Variants in PEBP4 observed in about 807,000 individuals in gnomAD.
The protein encoded by PEBP4 is phosphatidylethanolamine binding protein 4, also known as phosphatidylethanolamine-binding protein 4.
PEBP4 carries 22 observed loss-of-function variants against 23.9 expected under a neutral mutation model. That is an observed-to-expected ratio of 0.92 (90% confidence interval 0.66 to 1.31). The LOEUF (loss-of-function observed/expected upper bound fraction) is 1.31. Among genes scored for constraint, PEBP4 ranks in the 40% most tolerant of loss-of-function variants. The pLI is 0.00. For synonymous variants in PEBP4, 112 were observed against 99.3 expected, an observed-to-expected ratio of 1.13 and a Z score of -0.76; for missense variants, 324 against 281.7, an observed-to-expected ratio of 1.15 and a Z score of -1.07.
intron 3 of PEBP4, among the ~76,000 whole-genome samples, chr8:22,840,734 G>A (rs1189918125): frequency 1.3e-5 from 2 of 152,154 alleles, no homozygotes; most frequent in Non-Finnish European, 2.9e-5. Context: ...CATCGCACTG[G>A]CTTTTGGTGT....
intron 4 of PEBP4, among the ~76,000 whole-genome samples, chr8:22,778,158 C>T (rs1215698923): frequency 6.6e-6 from 1 of 152,072 alleles, no homozygotes; most frequent in East Asian, 1.9e-4. Flanking sequence ...GTCTCTACTG[C>T]TTGTCCTGAG....
intron 3 of PEBP4, among the ~76,000 whole-genome samples, chr8:22,838,716 C>T (rs1043255661): frequency 1.3e-5 from 2 of 152,278 alleles, no homozygotes; most frequent in African/African-American, 2.4e-5. Flanking sequence ...TGGCGCTGAG[C>T]TGTGGCTCGG....
chr8:22,921,723 C>T (rs1245373605), intron 2 of PEBP4, among the ~76,000 whole-genome samples: 2 of 152,246 alleles, frequency 1.3e-5, no homozygotes, highest in African/African-American at 2.4e-5. Flanking sequence ...ACTCTTTGCG[C>T]ATTTACAGCA....
At chr8:22,916,176 A>G (rs1198183692) in intron 3 of PEBP4, among the ~76,000 whole-genome samples, 1 of 152,210 alleles carries the variant, frequency 6.6e-6, no homozygotes, top group Non-Finnish European at 1.5e-5. Flanking sequence ...AATGCAATGC[A>G]CATTCCCCAC....
chr8:22,930,283 G>T (rs1267631945), upstream of PEBP4, among the ~76,000 whole-genome samples: 2 of 152,170 alleles, frequency 1.3e-5, no homozygotes, highest in African/African-American at 2.4e-5. Flanking sequence ...TAGCTGAAAT[G>T]TCGTTTCCTA....
intron 4 of PEBP4, among the ~76,000 whole-genome samples, chr8:22,751,126 A>G (rs1161535962): frequency 6.6e-6 from 1 of 152,158 alleles, no homozygotes; most frequent in Non-Finnish European, 1.5e-5. Context: ...TGGGTTGTGA[A>G]ATCTGTCCCA....
intron 3 of PEBP4, among the ~76,000 whole-genome samples, chr8:22,905,227 C>T (rs28589351): frequency 0.013 from 1,920 of 151,968 alleles, 48 homozygotes; most frequent in African/African-American, 0.044. Flanking sequence ...GGAACTTCCC[C>T]CATATTTTTA....
At chr8:22,807,906 A>G (rs779778839) in intron 4 of PEBP4, among the ~76,000 whole-genome samples, 6 of 115,234 alleles carry the variant, frequency 5.2e-5, no homozygotes, top group Non-Finnish European at 1.1e-4. Flanking sequence ...CACCCACCCA[A>G]CCTCTGTCCA....
intron 3 of PEBP4, among the ~76,000 whole-genome samples, chr8:22,848,981 G>A (rs570606951): frequency 2.0e-5 from 3 of 152,302 alleles, no homozygotes; most frequent in Non-Finnish European, 4.4e-5. Flanking sequence ...CAGGAATCTG[G>A]AAAGCAGCAA....
At chr8:22,867,677 T>C (rs1276139469) in intron 3 of PEBP4, among the ~76,000 whole-genome samples, 1 of 152,160 alleles carries the variant, frequency 6.6e-6, no homozygotes, top group Admixed American at 6.5e-5. Flanking sequence ...CAGCATTCAG[T>C]GCACAGAATG....
At chr8:22,798,427 C>G (rs1806309527) in intron 4 of PEBP4, 1 of 153,280 alleles carries the variant, frequency 6.5e-6, no homozygotes, top group Non-Finnish European at 1.5e-5. Context: ...GGCCAGCTAC[C>G]AGACAGCTAG....
rs1201342225 is a variant in PEBP4, at chr8:22,927,702, T to C, written c.13A>G (p.Met5Val). Residue 5 changes from methionine (M) to valine (V), a missense_variant, in exon 2 of 7, where the codon ATG becomes GTG. Transcript: ENST00000256404. ...AACAGTGCTGCTGTGACCAGCCTCATTGTCCAACCCATGGGCACCTGGAAC... is the reference window on the plus strand; with the variant it reads ...AACAGTGCTGCTGTGACCAGCCTCACTGTCCAACCCATGGGCACCTGGAAC... MGWT[M>V]RLVTAALLLG... 3.1e-6 allele frequency: 5 copies of C among 1,613,672 alleles called. No homozygotes were observed. Among genetic ancestry groups the C allele is most frequent in the Admixed American group, 1.7e-5 (1 of 59,954 alleles).
At chr8:22,754,585 A>G (rs1253688446) in intron 4 of PEBP4, among the ~76,000 whole-genome samples, 1 of 152,206 alleles carries the variant, frequency 6.6e-6, no homozygotes, top group Non-Finnish European at 1.5e-5. Flanking sequence ...CAGGGAGCAA[A>G]GCAGAGAGGA....
Position 22,927,872 on chromosome 8 carries a change from C to G in PEBP4, c.-56G>C. Reference sequence around the variant, plus strand: ...ACAGGCAGCTTCCAGGGCTCCGCAGCTAATCCAGTCCACCACCCGGACACA... The same window carrying G: ...ACAGGCAGCTTCCAGGGCTCCGCAGGTAATCCAGTCCACCACCCGGACACA... On this transcript the variant is annotated 5_prime_UTR_variant, in exon 1 of 7. Transcript: ENST00000256404. The G allele has an allele frequency of 1.2e-6, 1 of 841,354 alleles. No individual in the cohort carries two copies. The highest frequency in any genetic ancestry group is 1.8e-6 in the Non-Finnish European group (1 of 557,186). The allele number at this position is 841,354 out of a possible 1,614,324, so 52.1% of individuals were successfully genotyped here.
intron 3 of PEBP4, among the ~76,000 whole-genome samples, chr8:22,860,168 G>GTGTA (rs1554492229): frequency 1.6e-5 from 2 of 122,766 alleles, no homozygotes; most frequent in East Asian, 4.5e-4. Flanking sequence ...ACATATATAT[G>GTGTA]TATATATATA....
At chr8:22,772,337 T>C (rs1000770259) in intron 4 of PEBP4, among the ~76,000 whole-genome samples, 3 of 152,190 alleles carry the variant, frequency 2.0e-5, no homozygotes, top group Non-Finnish European at 2.9e-5. Context: ...ATTCTGCATA[T>C]GCAAAGGCAT....
At chr8:22,822,026 G>A (rs1469591983) in intron 3 of PEBP4, among the ~76,000 whole-genome samples, 1 of 150,368 alleles carries the variant, frequency 6.7e-6, no homozygotes, top group Admixed American at 6.6e-5. Context: ...GAGTTCGGAA[G>A]AGAGCCAGGG....
intron 4 of PEBP4, among the ~76,000 whole-genome samples, chr8:22,749,753 G>A (rs567620884): frequency 1.3e-5 from 2 of 149,558 alleles, no homozygotes; most frequent in Non-Finnish European, 3.0e-5. Flanking sequence ...GACCAGTCAC[G>A]GGCAGCAGTG....
At chr8:22,848,801 TG>T (rs1373497110) in intron 3 of PEBP4, among the ~76,000 whole-genome samples, 2 of 152,168 alleles carry the variant, frequency 1.3e-5, no homozygotes, top group African/African-American at 4.8e-5. Flanking sequence ...GACAGGCAGT[TG>T]GGGAAAAAGG....
Sources: gnomAD v4.1 joint callset for allele counts (sites outside exome capture counted in the v4.1 genomes callset) on GRCh38, gnomAD v4.1.1 for gene constraint, MANE v1.5 for transcripts, NCBI Gene and HGNC (gene_info 2026-07-23, HGNC 2026-07-21) for gene names.